STK32B: variants seen among roughly 807,000 people sequenced by gnomAD.
The protein encoded by STK32B is serine/threonine-protein kinase 32B.
Under a neutral mutation model 52.6 loss-of-function variants are expected in STK32B, and 43 were observed. That is an observed-to-expected ratio of 0.82 (90% CI 0.64 to 1.05). The LOEUF (loss-of-function observed/expected upper bound fraction) is 1.05, where lower values mean the gene tolerates loss of function less well. STK32B is among the 50% of genes least tolerant of loss of function. The probability of loss-of-function intolerance (pLI) is 0.00; values close to 1 mark genes in which losing one functional copy is unlikely to be tolerated. For synonymous variants in STK32B, 238 were observed against 204.3 expected (o/e 1.17, Z -1.41); for missense variants, 621 against 534.6 (o/e 1.16, Z -1.59).
At chr4:5,050,121 G>C (rs1741706255), upstream of STK32B, among the ~76,000 whole-genome samples, 2 of 152,158 alleles carry the variant, frequency 1.3e-5, no homozygotes, top group Non-Finnish European at 2.9e-5. Context: ...CTGTGTTCAG[G>C]GCATTGCCTG....
the STK32B span, among the ~76,000 whole-genome samples, chr4:5,041,750 GA>G: frequency 2.0e-5 from 3 of 151,782 alleles, no homozygotes; most frequent in Non-Finnish European, 4.4e-5. Flanking sequence ...TTCAACAACA[GA>G]ACTGGATGTG....
At chr4:5,383,827 G>C (rs926182301) in intron 4 of STK32B, among the ~76,000 whole-genome samples, 1 of 152,232 alleles carries the variant, frequency 6.6e-6, no homozygotes, top group African/African-American at 2.4e-5. Flanking sequence ...TTTTGTGTCA[G>C]ACTCTGTTGT....
At chr4:5,335,136 T>A (rs142106019) in intron 4 of STK32B, among the ~76,000 whole-genome samples, 3,746 of 152,278 alleles carry the variant, frequency 0.025, 142 homozygotes, top group African/African-American at 0.085. Flanking sequence ...AAGCTATTGA[T>A]TATTGCCACA....
At chr4:5,482,063 T>G (rs1718761062) in intron 11 of STK32B, among the ~76,000 whole-genome samples, 1 of 152,198 alleles carries the variant, frequency 6.6e-6, no homozygotes. Context: ...GACTTGGCAA[T>G]GTGGGCTCTA....
chr4:5,157,592 C>T (rs1008903493), intron 2 of STK32B, among the ~76,000 whole-genome samples: 5 of 152,184 alleles, frequency 3.3e-5, no homozygotes, highest in Non-Finnish European at 7.3e-5. Context: ...ACCAAAAGAG[C>T]ACCAGATGCA....
At position 5,369,950 on chromosome 4, in the gene STK32B, A is replaced by G. The variant is rs151085300; in HGVS notation, c.435-28257A>G. ...GAGTGCAGTGGCACGATTTCTGCTC[A>G]CTGCAAGCTCCGCCTCCTGGGTTCA... On this transcript the variant is annotated intron_variant, in intron 4 of 11. Transcript: ENST00000282908. 2.1e-3 allele frequency among the ~76,000 whole-genome samples: 314 copies of G among 151,518 alleles called. 4 individuals are homozygous for G. Among genetic ancestry groups the G allele is most frequent in the African/African-American group, 7.3e-3 (299 of 41,024 alleles).
intron 3 of STK32B, among the ~76,000 whole-genome samples, chr4:5,180,906 A>C (rs968215868): frequency 6.6e-6 from 1 of 152,122 alleles, no homozygotes; most frequent in African/African-American, 2.4e-5. Context: ...CAATATTTTC[A>C]CTTGTTGTAT....
intron 3 of STK32B, among the ~76,000 whole-genome samples, chr4:5,172,018 C>G (rs1379000300): frequency 6.6e-6 from 1 of 151,892 alleles, no homozygotes; most frequent in Non-Finnish European, 1.5e-5. Context: ...TGAAGAGGTC[C>G]TTCACATCCC....
intron 3 of STK32B, among the ~76,000 whole-genome samples, chr4:5,174,506 A>C (rs937793138): frequency 7.2e-5 from 11 of 152,276 alleles, no homozygotes; most frequent in African/African-American, 1.9e-4. Flanking sequence ...GGTGGTGACA[A>C]AATCTCTCAG....
At chr4:5,384,812 G>T (rs1015576893) in intron 4 of STK32B, among the ~76,000 whole-genome samples, 2 of 152,164 alleles carry the variant, frequency 1.3e-5, no homozygotes, top group African/African-American at 4.8e-5. Flanking sequence ...GAAGGAAGGG[G>T]CTGTGACGAT....
intron 3 of STK32B, among the ~76,000 whole-genome samples, chr4:5,242,084 A>G (rs1003469571): frequency 6.6e-6 from 1 of 152,202 alleles, no homozygotes; most frequent in Non-Finnish European, 1.5e-5. Context: ...CCCTTTGGGT[A>G]TATACCCAGT....
chr4:5,438,849 G>A (rs993462931), intron 6 of STK32B, among the ~76,000 whole-genome samples: 7 of 151,916 alleles, frequency 4.6e-5, no homozygotes, highest in South Asian at 2.1e-4. Flanking sequence ...GACAATATGC[G>A]GTGTTTGGTT....
At chr4:5,330,991 C>T (rs1054678269) in intron 3 of STK32B, among the ~76,000 whole-genome samples, 22 of 152,062 alleles carry the variant, frequency 1.4e-4, no homozygotes, top group Non-Finnish European at 2.4e-4. Flanking sequence ...GCTGGGTACT[C>T]CTGCTTGCCT....
intron 1 of STK32B, among the ~76,000 whole-genome samples, chr4:5,136,643 A>C (rs942856797): frequency 4.6e-5 from 7 of 152,116 alleles, no homozygotes; most frequent in Admixed American, 1.3e-4. Context: ...CAACCCTCTC[A>C]CACCCCCCAG....
intron 3 of STK32B, among the ~76,000 whole-genome samples, chr4:5,285,928 ATTAAG>A (rs1728513269): frequency 6.6e-6 from 1 of 152,140 alleles, no homozygotes; most frequent in African/African-American, 2.4e-5. Context: ...TAAAGACATA[ATTAAG>A]TTAAAGTGAG....
At chr4:5,173,081 T>A (rs1331640408) in intron 3 of STK32B, among the ~76,000 whole-genome samples, 1 of 152,260 alleles carries the variant, frequency 6.6e-6, no homozygotes, top group African/African-American at 2.4e-5. Context: ...TTCTAGATTT[T>A]CTAGTTTATT....
intron 4 of STK32B, among the ~76,000 whole-genome samples, chr4:5,333,734 A>G (rs1168874094): frequency 1.3e-5 from 2 of 152,166 alleles, no homozygotes; most frequent in African/African-American, 2.4e-5. Flanking sequence ...TAAATAGGGA[A>G]TCCTTTCCCC....
intron 3 of STK32B, among the ~76,000 whole-genome samples, chr4:5,286,900 C>T (rs1012417925): frequency 2.0e-4 from 29 of 148,574 alleles, no homozygotes; most frequent in African/African-American, 6.6e-4. Context: ...CAGTTTCAAG[C>T]GATTCTCCTG....
chr4:5,232,067 C>T (rs537783625), intron 3 of STK32B, among the ~76,000 whole-genome samples: 4 of 152,072 alleles, frequency 2.6e-5, no homozygotes, highest in African/African-American at 4.8e-5. Flanking sequence ...AATAGAGGCA[C>T]GTCCCTTCCT....
Sources: allele counts gnomAD v4.1 joint callset (sites outside exome capture counted in the v4.1 genomes callset), GRCh38; gene constraint gnomAD v4.1.1; transcripts MANE v1.5; gene names NCBI Gene and HGNC (gene_info 2026-07-23, HGNC 2026-07-21).